Variants in SESN3 observed in about 807,000 individuals in gnomAD.
SESN3 encodes sestrin-3.
SESN3 carries 21 observed loss-of-function variants against 55.3 expected under a neutral mutation model. The ratio of observed to expected loss-of-function variants is 0.38; its 90% confidence interval spans 0.27 to 0.55. The LOEUF (loss-of-function observed/expected upper bound fraction) is 0.55, where lower values mean the gene tolerates loss of function less well. Ranked by LOEUF, SESN3 falls within the 20% of genes least tolerant of loss-of-function variation. SESN3 has a pLI of 0.76. For missense variants in SESN3, 408 were observed against 604.3 expected, an observed-to-expected ratio of 0.68 and a Z score of 3.41; for synonymous variants, 181 against 203.1, an observed-to-expected ratio of 0.89 and a Z score of 0.93.
At chr11:95,223,934 TTTAA>T (rs749889986) in intron 1 of SESN3, among the ~76,000 whole-genome samples, 2 of 152,230 alleles carry the variant, frequency 1.3e-5, no homozygotes, top group Non-Finnish European at 2.9e-5. Context: ...CTCTGAAATG[TTTAA>T]TTCATTTAAA....
intron 1 of SESN3, among the ~76,000 whole-genome samples, chr11:95,202,448 C>A (rs1417428589): frequency 2.0e-5 from 3 of 151,962 alleles, no homozygotes; most frequent in Non-Finnish European, 1.5e-5. Context: ...CTTCCATGTG[C>A]CCTCTGGATG....
In SESN3 at chr11:95,220,249, A is replaced by T. The variant is rs546613400; in HGVS notation, c.78+10534T>A. 7.3e-4 allele frequency among the ~76,000 whole-genome samples: 111 copies of T among 152,334 alleles called. 2 individuals are homozygous for T. The highest frequency in any genetic ancestry group is 2.6e-3 in the African/African-American group (108 of 41,578). The stretch of plus-strand genomic sequence containing the variant: ...GTTATTATTTATCTTCATAAATAAT[A>T]GTTTTACTGAAAAAAATTTACCAAA... On this transcript the variant is annotated intron_variant, in intron 1 of 9. Transcript: ENST00000536441.
At chr11:95,173,433 A>G (rs968534631) in intron 9 of SESN3, 92 bp from the exon 10 acceptor site, 1 of 650,984 alleles carries the variant, frequency 1.5e-6, no homozygotes, top group Non-Finnish European at 2.8e-6. Flanking sequence ...TGTGTATATA[A>G]GCAATATACA....
intron 8 of SESN3, among the ~76,000 whole-genome samples, chr11:95,177,012 A>G (rs1250227772): frequency 6.6e-6 from 1 of 152,210 alleles, no homozygotes; most frequent in Non-Finnish European, 1.5e-5. Flanking sequence ...AATTCTAATT[A>G]TCATAAAGTC....
chr11:95,220,030 C>T (rs976015935), intron 1 of SESN3, among the ~76,000 whole-genome samples: 3 of 152,116 alleles, frequency 2.0e-5, no homozygotes, highest in Admixed American at 6.6e-5. Context: ...AACCACATCT[C>T]GCCATAAATC....
At chr11:95,222,507 T>C (rs964400251) in intron 1 of SESN3, among the ~76,000 whole-genome samples, 6 of 152,220 alleles carry the variant, frequency 3.9e-5, no homozygotes, top group African/African-American at 1.4e-4. Flanking sequence ...ATTGGCTATA[T>C]TGTATCTAAT....
intron 1 of SESN3, among the ~76,000 whole-genome samples, chr11:95,220,392 A>G (rs1263951123): frequency 1.3e-5 from 2 of 152,158 alleles, no homozygotes; most frequent in African/African-American, 2.4e-5. Flanking sequence ...TATTGAACTA[A>G]TTAATGACTG....
chr11:95,193,787 C>G (rs1860310108), intron 1 of SESN3, among the ~76,000 whole-genome samples: 1 of 152,104 alleles, frequency 6.6e-6, no homozygotes. Flanking sequence ...ACACCATAAA[C>G]TTTAAGCCCA....
At chr11:95,228,871 G>C (rs905906829) in intron 1 of SESN3, among the ~76,000 whole-genome samples, 16 of 152,012 alleles carry the variant, frequency 1.1e-4, no homozygotes, top group African/African-American at 3.6e-4. Context: ...GTTCTTTCTA[G>C]GTAAACAGAA....
upstream of SESN3, chr11:95,231,219 C>T (rs1861061348): frequency 4.9e-6 from 2 of 406,944 alleles, no homozygotes; most frequent in Non-Finnish European, 8.6e-6. Context: ...GCCTCCGCCG[C>T]CCCACCACCT....
chr11:95,181,626 A>G (rs1403554517), intron 6 of SESN3, among the ~76,000 whole-genome samples: 1 of 152,126 alleles, frequency 6.6e-6, no homozygotes, highest in African/African-American at 2.4e-5. Flanking sequence ...CTGAAAATAC[A>G]AAAAACAGTA....
chr11:95,226,909 C>T (rs569673448), intron 1 of SESN3, among the ~76,000 whole-genome samples: 3 of 152,266 alleles, frequency 2.0e-5, no homozygotes, highest in Admixed American at 6.5e-5. Flanking sequence ...CTTAAGGGTC[C>T]ATACGAAGCA....
rs1479936742 is a variant in SESN3 at position 95,231,003 on chromosome 11, C to T, written c.-143G>A. 3 of 486,176 alleles carry T rather than the reference C, an allele frequency of 6.2e-6. No homozygotes were observed. Among genetic ancestry groups the T allele is most frequent in the Non-Finnish European group, 1.1e-5 (3 of 284,660 alleles). The allele number at this position is 486,176 out of a possible 1,614,324, so 30.1% of individuals were successfully genotyped here. ...CAAGGCGGGATGTCGGGAGGAGAGG[C>T]GACTGCCTGAAAGCTAGCGGCACTG... On this transcript the variant is annotated 5_prime_UTR_variant, in exon 1 of 10. Transcript: ENST00000536441.
chr11:95,217,805 C>T (rs894976177), intron 1 of SESN3, among the ~76,000 whole-genome samples: 1 of 152,130 alleles, frequency 6.6e-6, no homozygotes, highest in Non-Finnish European at 1.5e-5. Flanking sequence ...TATACTGATG[C>T]TTTCACAAAT....
intron 1 of SESN3, among the ~76,000 whole-genome samples, chr11:95,216,364 A>G (rs1004300164): frequency 1.3e-5 from 2 of 152,230 alleles, no homozygotes; most frequent in Non-Finnish European, 2.9e-5. Flanking sequence ...GGACTGCTAG[A>G]GGACATATTA....
chr11:95,210,499 G>A (rs1203018682), intron 1 of SESN3, among the ~76,000 whole-genome samples: 1 of 152,204 alleles, frequency 6.6e-6, no homozygotes, highest in Non-Finnish European at 1.5e-5. Context: ...TGTAACACCA[G>A]ATATGAATGG....
Position 95,172,432 on chromosome 11 carries a change from G to A in SESN3, c.*823C>T, listed in dbSNP as rs1479311168. The stretch of plus-strand genomic sequence containing the variant: ...AAATGAACTGTAAGCAGCACTGTGA[G>A]CACTGATTATTTAAGGTGACTGAGG... On this transcript the variant is annotated 3_prime_UTR_variant, in exon 10 of 10. Transcript: ENST00000536441. The A allele has an allele frequency of 6.6e-6, 1 of 152,160 alleles. No homozygotes were observed. 9.4% of individuals were successfully genotyped at this position (152,160 alleles called of 1,614,324 possible).
intron 1 of SESN3, among the ~76,000 whole-genome samples, chr11:95,215,268 T>G (rs1591073749): frequency 5.3e-5 from 5 of 93,538 alleles, no homozygotes; most frequent in South Asian, 4.4e-4. Flanking sequence ...GGGTGGGGGG[T>G]GGGGTAATAA....
intron 1 of SESN3, among the ~76,000 whole-genome samples, chr11:95,215,446 G>A (rs568498593): frequency 1.3e-5 from 2 of 152,240 alleles, no homozygotes; most frequent in East Asian, 3.9e-4. Flanking sequence ...CGATAGCTAC[G>A]GTCTGGGGGA....
Sources: allele counts gnomAD v4.1 joint callset (sites outside exome capture counted in the v4.1 genomes callset), GRCh38; gene constraint gnomAD v4.1.1; transcripts MANE v1.5; gene names NCBI Gene and HGNC (gene_info 2026-07-23, HGNC 2026-07-21).